AFAP1L2: variants seen among roughly 807,000 people sequenced by gnomAD.
AFAP1L2 encodes actin filament associated protein 1 like 2.
A neutral mutation model predicts 99.3 loss-of-function variants in AFAP1L2; 46 were observed. The observed-to-expected ratio is 0.46, with a 90% confidence interval of 0.37 to 0.59. The LOEUF (loss-of-function observed/expected upper bound fraction) is 0.59. Ranked by LOEUF, AFAP1L2 falls within the 20% of genes least tolerant of loss-of-function variation. The pLI, the probability that AFAP1L2 is intolerant of heterozygous loss-of-function variation, is 0.00. For missense variants in AFAP1L2, 959 were observed against 1,034.9 expected, an observed-to-expected ratio of 0.93 and a Z score of 1.01; for synonymous variants, 397 against 419.1, an observed-to-expected ratio of 0.95 and a Z score of 0.64.
At chr10:114,348,187 C>G (rs1298509358) in intron 1 of AFAP1L2, among the ~76,000 whole-genome samples, 1 of 152,106 alleles carries the variant, frequency 6.6e-6, no homozygotes, top group East Asian at 1.9e-4. Flanking sequence ...TTCTACTTAC[C>G]CATTCATTGT....
intron 1 of AFAP1L2, among the ~76,000 whole-genome samples, chr10:114,386,377 GGCAACAGA>G (rs2056500567): frequency 6.6e-6 from 1 of 151,818 alleles, no homozygotes; most frequent in Non-Finnish European, 1.5e-5. Flanking sequence ...CTCCAGACTG[GGCAACAGA>G]GCAAAACCCC....
chr10:114,382,617 G>C (rs1164987442), intron 1 of AFAP1L2, among the ~76,000 whole-genome samples: 1 of 106,034 alleles, frequency 9.4e-6, no homozygotes, highest in Admixed American at 1.3e-4. Context: ...TTTTGAGACC[G>C]AGTTTCGCTC....
chr10:114,304,994 G>T, intron 10 of AFAP1L2, 64 bp from the exon 11 acceptor site: 1 of 1,347,714 alleles, frequency 7.4e-7, no homozygotes, highest in East Asian at 2.4e-5. Context: ...GATGCAGGAG[G>T]GGGCGGGGCT....
intron 4 of AFAP1L2, 89 bp downstream of exon 4, chr10:114,331,712 CCA>C (rs1373844315): frequency 5.3e-6 from 5 of 938,076 alleles, no homozygotes; most frequent in Non-Finnish European, 7.2e-6. Flanking sequence ...TCAGAAAATG[CCA>C]GACACTTAGT....
intron 1 of AFAP1L2, among the ~76,000 whole-genome samples, chr10:114,341,075 A>G (rs928291395): frequency 2.0e-5 from 3 of 152,240 alleles, no homozygotes; most frequent in Non-Finnish European, 2.9e-5. Context: ...GAAAACTAAG[A>G]GAGCACTACT....
chr10:114,398,895 C>T (rs1328051994), intron 1 of AFAP1L2: 1 of 1,304,360 alleles, frequency 7.7e-7, no homozygotes, highest in Non-Finnish European at 1.0e-6. Context: ...CAGACAGCAA[C>T]ACCCCTGTGC....
At chr10:114,310,198 CT>C (rs2043012405) in intron 8 of AFAP1L2, among the ~76,000 whole-genome samples, 155 bp downstream of exon 8, 1 of 152,202 alleles carries the variant, frequency 6.6e-6, no homozygotes, top group Non-Finnish European at 1.5e-5. Context: ...AAGTGCTTGG[CT>C]TACAGGCGTG....
chr10:114,360,588 G>A lies in AFAP1L2; in HGVS notation c.17-19857C>T, dbSNP rs552713924. On this transcript the variant is annotated intron_variant, in intron 1 of 18. Coordinates refer to ENST00000304129, the MANE Select transcript of AFAP1L2 (RefSeq NM_001001936.3). ...AGACGGACAGACAGATAGACAGACC[G>A]ACCTACTGGTTCTGTTTCTCTGGAG... is the stretch of plus-strand genomic sequence containing the variant. 3.2e-4 allele frequency among the ~76,000 whole-genome samples: 49 copies of A among 152,180 alleles called. No individual in the cohort carries two copies. The South Asian group carries it at 9.3e-3, about 29-fold the overall frequency.
At chr10:114,349,398 A>G (rs79182914) in intron 1 of AFAP1L2, among the ~76,000 whole-genome samples, 9 of 149,670 alleles carry the variant, frequency 6.0e-5, no homozygotes, top group South Asian at 2.1e-4. Context: ...AAAAAAAAAA[A>G]AAAAAGAAAA....
rs12248202 is a variant in AFAP1L2 at position 114,312,888 on chromosome 10, C to T, written c.792+983G>A. ...TAGGACAGGCCTGGCATTTCCAAAA[C>T]AATTAGTGGATTTACAAAAACAGCC... On this transcript the variant is annotated intron_variant, in intron 7 of 18. Transcript: ENST00000304129. Among the ~76,000 whole-genome samples the T allele has an allele frequency of 3.4e-3, 518 of 152,294 alleles. 7 individuals are homozygous for T. The highest frequency in any genetic ancestry group is 0.012 in the African/African-American group (490 of 41,558).
At chr10:114,312,995 G>A (rs574446948) in intron 7 of AFAP1L2, among the ~76,000 whole-genome samples, 4 of 152,244 alleles carry the variant, frequency 2.6e-5, no homozygotes, top group Admixed American at 2.6e-4. Context: ...TTACCACAGC[G>A]GTCCAGATCT....
Position 114,295,402 on chromosome 10 carries a change from T to TTAAC in AFAP1L2, c.*636_*639dup, listed in dbSNP as rs2040051845. 2.0e-6 allele frequency: 2 copies of TTAAC among 985,694 alleles called. No individual in the cohort carries two copies. The highest frequency in any genetic ancestry group is 4.7e-5 in the South Asian group (1 of 21,288). The allele number at this position is 985,694 out of a possible 1,614,324, so 61.1% of individuals were successfully genotyped here. ...CCTGCCTTGGACTGGAAAGAAGTCT[T>TTAAC]TAACTTAGTGGGATTAGTGCTTCAG... On this transcript the variant is annotated 3_prime_UTR_variant, in exon 19 of 19. Coordinates refer to ENST00000304129, the MANE Select transcript of AFAP1L2 (RefSeq NM_001001936.3).
chr10:114,348,752 T>G (rs528919518), intron 1 of AFAP1L2, among the ~76,000 whole-genome samples: 2 of 152,188 alleles, frequency 1.3e-5, no homozygotes, highest in Non-Finnish European at 2.9e-5. Flanking sequence ...GGGAAACTTA[T>G]AAGAATCCTG....
Position 114,295,785 on chromosome 10 carries a change from A to C in AFAP1L2, c.*257T>G. The C allele has an allele frequency of 8.1e-7, 1 of 1,233,716 alleles. No individual in the cohort carries two copies. Among genetic ancestry groups the C allele is most frequent in the Non-Finnish European group, 1.0e-6 (1 of 985,454 alleles). 76.4% of individuals were successfully genotyped at this position (1,233,716 alleles called of 1,614,324 possible). On this transcript the variant is annotated 3_prime_UTR_variant, in exon 19 of 19. Transcript: ENST00000304129. ...AACTTCAAAAAAGAAAGAAACACAG[A>C]ACATCCCTAAATACAACGTCTTGTT...
chr10:114,325,560 G>T (rs1159838184), intron 4 of AFAP1L2, among the ~76,000 whole-genome samples: 1 of 152,218 alleles, frequency 6.6e-6, no homozygotes, highest in Non-Finnish European at 1.5e-5. Context: ...AGGAATCAAA[G>T]AATTTGGTCA....
At chr10:114,283,547 C>T in the AFAP1L2 span, among the ~76,000 whole-genome samples, 4 of 152,164 alleles carry the variant, frequency 2.6e-5, no homozygotes, top group African/African-American at 7.2e-5. Flanking sequence ...TGAGGACTTC[C>T]GGTTTGGAAA....
At chr10:114,390,460 C>T (rs927596155) in intron 1 of AFAP1L2, among the ~76,000 whole-genome samples, 4 of 152,290 alleles carry the variant, frequency 2.6e-5, no homozygotes, top group South Asian at 4.1e-4. Flanking sequence ...CGGTGGCTCA[C>T]GCCTGTAATC....
intron 2 of AFAP1L2, among the ~76,000 whole-genome samples, chr10:114,336,833 G>C (rs2048046006): frequency 6.6e-6 from 1 of 151,978 alleles, no homozygotes; most frequent in Admixed American, 6.6e-5. Context: ...TCTCCATCCA[G>C]ACAAAAAGCA....
intron 5 of AFAP1L2, among the ~76,000 whole-genome samples, chr10:114,318,696 C>G (rs552803326): frequency 7.9e-6 from 1 of 126,036 alleles, no homozygotes; most frequent in Admixed American, 1.0e-4. Flanking sequence ...GAGCTGAGAT[C>G]GCGCCACTGC....
Sources: gnomAD v4.1 joint callset for allele counts (sites outside exome capture counted in the v4.1 genomes callset) on GRCh38, gnomAD v4.1.1 for gene constraint, MANE v1.5 for transcripts, NCBI Gene and HGNC (gene_info 2026-07-23, HGNC 2026-07-21) for gene names.